The following SPECC1 variants were observed in gnomAD, a reference collection of about 807,000 sequenced individuals.
SPECC1 encodes the protein cytospin-B.
Under a neutral mutation model 104.1 loss-of-function variants are expected in SPECC1, and 62 were observed. The ratio of observed to expected loss-of-function variants is 0.60; its 90% CI spans 0.49 to 0.74. The LOEUF (loss-of-function observed/expected upper bound fraction) is 0.74. Ranked by LOEUF, SPECC1 falls within the 30% of genes least tolerant of loss-of-function variation. The pLI is 0.00. For synonymous variants in SPECC1, 513 were observed against 501.6 expected (o/e 1.02, Z -0.30); for missense variants, 1,306 against 1,310.5 (o/e 1.00, Z 0.05).
chr17:20,284,793 A>G (rs2040887054), intron 12 of SPECC1, among the ~76,000 whole-genome samples: 1 of 152,244 alleles, frequency 6.6e-6, no homozygotes, highest in Non-Finnish European at 1.5e-5. Flanking sequence ...AAAACCCCAG[A>G]GAGATTCAGG....
chr17:20,262,005 G>A (rs550484671), intron 12 of SPECC1, among the ~76,000 whole-genome samples: 4 of 152,184 alleles, frequency 2.6e-5, no homozygotes, highest in African/African-American at 9.6e-5. Flanking sequence ...GTATGCATCC[G>A]TAAGTACTAT....
chr17:20,261,753 G>A (rs896043439), intron 12 of SPECC1, among the ~76,000 whole-genome samples: 5 of 152,176 alleles, frequency 3.3e-5, no homozygotes, highest in Non-Finnish European at 5.9e-5. Context: ...TCAGAAAAGG[G>A]AAGTAATACC....
At chr17:20,181,680 G>T (rs2034900184) in intron 3 of SPECC1, among the ~76,000 whole-genome samples, 1 of 151,838 alleles carries the variant, frequency 6.6e-6, no homozygotes, top group African/African-American at 2.4e-5. Flanking sequence ...GAGAATTTGT[G>T]ATTATATATA....
Position 20,305,056 on chromosome 17 carries a change from G to A in SPECC1, c.3058-967G>A, listed in dbSNP as rs542186017. On this transcript the variant is annotated intron_variant, in intron 13 of 14. Transcript: ENST00000395527. Reference sequence around the variant, plus strand: ...ACTAAAATGTGGGGTGATTTTGGGCGACTGGTAGAGTAACAGAGGAACTCC... The same window carrying A: ...ACTAAAATGTGGGGTGATTTTGGGCAACTGGTAGAGTAACAGAGGAACTCC... Among the ~76,000 whole-genome samples the A allele has an allele frequency of 6.8e-4, 104 of 152,196 alleles. No individual in the cohort carries two copies. The Middle Eastern group carries it at 0.01, about 15-fold the overall frequency.
At chr17:20,077,411 G>A (rs1797209387) in intron 1 of SPECC1, among the ~76,000 whole-genome samples, 1 of 151,850 alleles carries the variant, frequency 6.6e-6, no homozygotes, top group African/African-American at 2.4e-5. Flanking sequence ...GGAGCAATCT[G>A]TTTCTACGCC....
chr17:20,145,631 G>A lies in SPECC1; in HGVS notation c.283+35069G>A, dbSNP rs112156574. 2.0e-4 allele frequency among the ~76,000 whole-genome samples: 30 copies of A among 152,292 alleles called. 1 individual carries two copies. Among genetic ancestry groups the A allele is most frequent in the African/African-American group, 7.0e-4 (29 of 41,572 alleles). On this transcript the variant is annotated intron_variant, in intron 3 of 14. Transcript: ENST00000395527. Reference sequence around the variant, plus strand: ...CCTCCCAGCAGACCTCCCTTCAAATGTTTTTGGTCAGAACTGGGTCTCATA... The same window carrying A: ...CCTCCCAGCAGACCTCCCTTCAAATATTTTTGGTCAGAACTGGGTCTCATA...
intron 1 of SPECC1, among the ~76,000 whole-genome samples, chr17:20,078,210 AATGAC>A (rs1028267921): frequency 7.3e-5 from 11 of 150,990 alleles, no homozygotes; most frequent in African/African-American, 2.7e-4. Context: ...AGAGGGAAAG[AATGAC>A]ACGTTTGAGT....
At chr17:20,224,872 C>T (rs2038109270) in intron 4 of SPECC1, among the ~76,000 whole-genome samples, 1 of 151,924 alleles carries the variant, frequency 6.6e-6, no homozygotes, top group South Asian at 2.1e-4. Flanking sequence ...GAAGGGATCT[C>T]TCCCTGTGGC....
In SPECC1 at chr17:20,227,464, C is replaced by A. The variant is rs1366851032; in HGVS notation, c.1915C>A (p.Gln639Lys). ...GGAGATATGTGATCACCAAGCCGAA[C>A]AGCTGAGCAGAACCAGCCTAAAGCT... ...LKEICDHQAE[Q>K]LSRTSLKLQE... Residue 639 changes from glutamine (Q) to lysine (K), a missense_variant, in exon 5 of 15, where the codon CAG becomes AAG. Around this residue, in one of 2 missense-constraint regions of SPECC1, gnomAD observed 1,177 missense variants for 1,139.9 expected, o/e 1.03. Coordinates refer to ENST00000395527, the MANE Select transcript of SPECC1 (RefSeq NM_001243439.2). 3 of 1,613,482 alleles carry A rather than the reference C, an allele frequency of 1.9e-6. No individual in the cohort carries two copies. The highest frequency in any genetic ancestry group is 3.3e-5 in the Admixed American group (2 of 59,820).
intron 1 of SPECC1, among the ~76,000 whole-genome samples, chr17:20,087,865 T>C (rs1052526758): frequency 6.6e-6 from 1 of 151,912 alleles, no homozygotes; most frequent in Admixed American, 6.6e-5. Flanking sequence ...TTTGGTGGGG[T>C]GGGAGAGCTA....
chr17:20,242,657 C>T (rs1428479491), intron 7 of SPECC1, among the ~76,000 whole-genome samples: 1 of 152,158 alleles, frequency 6.6e-6, no homozygotes. Flanking sequence ...ATTTCTAGAA[C>T]CTTGTATATC....
intron 12 of SPECC1, among the ~76,000 whole-genome samples, chr17:20,288,859 C>G (rs2041055672): frequency 7.0e-6 from 1 of 143,474 alleles, no homozygotes; most frequent in African/African-American, 2.6e-5. Context: ...TCTCGGCTAA[C>G]TGCAACCTCC....
intron 1 of SPECC1, among the ~76,000 whole-genome samples, chr17:20,079,977 T>C (rs1027582660): frequency 6.6e-6 from 1 of 152,180 alleles, no homozygotes. Context: ...TTCATTCCTT[T>C]CACTGGGACC....
chr17:20,141,489 A>G (rs1597803292), intron 3 of SPECC1, among the ~76,000 whole-genome samples: 1 of 152,194 alleles, frequency 6.6e-6, no homozygotes. Flanking sequence ...GAGGTTGTAA[A>G]TAATACATCA....
chr17:20,204,406 G>T lies in SPECC1; in HGVS notation c.357G>T (p.Arg119Ser). ...TTTCAGTAACTGTCTCAAGAGAGAG[G>T]TCTGTGCCACGTGGTCCCTCCAACC... ...REFSVTVSRE[R>S]SVPRGPSNPR... The change falls in exon 4 of 15, where the codon AGG becomes AGT. Residue 119 changes from arginine to serine, a missense_variant. By Grantham distance (110) the Arg-to-Ser change is moderately radical. This residue lies in a region of SPECC1 where 1,177 missense variants were observed against 1,139.9 expected (regional missense o/e 1.03). Coordinates refer to ENST00000395527, the MANE Select transcript of SPECC1 (RefSeq NM_001243439.2). 2 of 1,614,090 alleles carry T rather than the reference G, an allele frequency of 1.2e-6. No homozygotes were observed. The highest frequency in any genetic ancestry group is 1.7e-6 in the Non-Finnish European group (2 of 1,180,010).
intron 14 of SPECC1, among the ~76,000 whole-genome samples, chr17:20,307,799 T>C (rs1488377495): frequency 1.3e-5 from 2 of 152,046 alleles, no homozygotes; most frequent in Non-Finnish European, 2.9e-5. Flanking sequence ...GCCTGAAAAT[T>C]TTCCAGAATG....
chr17:20,289,654 C>G (rs1301472327), intron 12 of SPECC1, among the ~76,000 whole-genome samples: 4 of 152,164 alleles, frequency 2.6e-5, no homozygotes, highest in Non-Finnish European at 5.9e-5. Context: ...ATTAGTTCAG[C>G]CGTTGTGGAT....
At chr17:20,173,562 A>G (rs943792521) in intron 3 of SPECC1, among the ~76,000 whole-genome samples, 8 of 152,198 alleles carry the variant, frequency 5.3e-5, no homozygotes, top group African/African-American at 1.9e-4. Context: ...TAGCCATCTC[A>G]ACCATAAAGG....
rs767860033 is a variant in SPECC1, at chr17:20,314,008, C to G, written c.3150C>G (p.Pro1050=). 2 of 1,614,140 alleles carry G rather than the reference C, an allele frequency of 1.2e-6. No homozygotes were observed. The highest frequency in any genetic ancestry group is 2.7e-5 in the African/African-American group (2 of 75,030). ...GCGAGATGCTGTACACAGACCGGCCCGACTGGCAGAGTGTGATGCAGTACG... is the reference window on the plus strand; with the variant it reads ...GCGAGATGCTGTACACAGACCGGCCGGACTGGCAGAGTGTGATGCAGTACG... The part of the protein sequence containing the change: ...ELSEMLYTDR[P]DWQSVMQYVA... The change falls in exon 15 of 15, where the codon CCC becomes CCG. Residue 1050 remains proline (P), a synonymous_variant. Coordinates refer to ENST00000395527, the MANE Select transcript of SPECC1 (RefSeq NM_001243439.2).
Sources: gnomAD v4.1 joint callset for allele counts (sites outside exome capture counted in the v4.1 genomes callset) on GRCh38, gnomAD v4.1.1 for gene constraint, gnomAD v4.1.1 regional missense constraint, MANE v1.5 for transcripts, NCBI Gene and HGNC (gene_info 2026-07-23, HGNC 2026-07-21) for gene names.